Variants in ZC3H13 observed in about 807,000 individuals in gnomAD.
The protein encoded by ZC3H13 is zinc finger CCCH domain-containing protein 13.
Under a neutral mutation model 204.1 loss-of-function variants are expected in ZC3H13, and 64 were observed. The observed-to-expected ratio is 0.31, with a 90% CI of 0.26 to 0.39. The LOEUF (loss-of-function observed/expected upper bound fraction) is 0.39, where lower values mean the gene tolerates loss of function less well. Among genes scored for constraint, ZC3H13 ranks in the 10% least tolerant of loss-of-function variants. The probability of loss-of-function intolerance (pLI) is 1.00; values close to 1 mark genes in which losing one functional copy is unlikely to be tolerated. For synonymous variants in ZC3H13, 667 were observed against 693.7 expected, an observed-to-expected ratio of 0.96 and a Z score of 0.60; for missense variants, 1,833 against 2,082.7, an observed-to-expected ratio of 0.88 and a Z score of 2.33.
At chr13:45,989,129 T>A (rs1336073943) in intron 8 of ZC3H13, 32 bp from the exon 9 acceptor site, 1 of 1,578,100 alleles carries the variant, frequency 6.3e-7, no homozygotes, top group Non-Finnish European at 8.6e-7. Context: ...ATAAAACATG[T>A]ATTCAAGAGC....
At position 45,988,981 on chromosome 13, in the gene ZC3H13, G is replaced by C; in HGVS notation, c.1061C>G (p.Thr354Ser). ...TGTCCGCTGATAAGATGGTGAAGGA[G>C]TTCTTTTTCGACGAGGAGAAGGAGA... The part of the protein sequence containing the change: ...RHSPSPRRKR[T>S]PSPSYQRTLT... Residue 354 changes from threonine (T) to serine (S), a missense_variant, in exon 9 of 19, where the codon ACT (threonine) becomes AGT (serine). This residue lies in a region of ZC3H13 where 1,574 missense variants were observed against 1,757.2 expected (regional missense o/e 0.90). Coordinates refer to ENST00000679008, the MANE Select transcript of ZC3H13 (RefSeq NM_001330564.2). The C allele has an allele frequency of 1.9e-6, 3 of 1,613,992 alleles. No individual in the cohort carries two copies. The South Asian group carries it at 3.3e-5, about 18-fold the overall frequency.
chr13:45,967,428 C>A (rs1271740443), intron 15 of ZC3H13, 76 bp downstream of exon 15: 1 of 1,477,174 alleles, frequency 6.8e-7, no homozygotes, highest in East Asian at 2.4e-5. Flanking sequence ...GGTGCCCTTT[C>A]AAAAGAAAAT....
At chr13:45,963,699 G>A (rs1566144256) in intron 17 of ZC3H13, 143 bp downstream of exon 17, 5 of 1,488,930 alleles carry the variant, frequency 3.4e-6, no homozygotes, top group Non-Finnish European at 2.7e-6. Flanking sequence ...GACCATGAGG[G>A]TTAAATAATG....
chr13:46,045,279 A>G, intron 2 of ZC3H13, 112 bp downstream of exon 2: 1 of 1,064,950 alleles, frequency 9.4e-7, no homozygotes, highest in Non-Finnish European at 1.4e-6. Flanking sequence ...TAAAAAATTT[A>G]CTGAACAAAC....
chr13:45,955,055 G>C lies in ZC3H13; in HGVS notation c.*2072C>G, dbSNP rs778481567. ...CTATCTACACAATTCCTTATTACCA[G>C]CAGCTGGAATCCAGTTGTGCAATTA... On this transcript the variant is annotated 3_prime_UTR_variant, in exon 19 of 19. Coordinates refer to ENST00000679008, the MANE Select transcript of ZC3H13 (RefSeq NM_001330564.2). 2.0e-5 allele frequency: 3 copies of C among 152,132 alleles called. No homozygotes were observed. Among genetic ancestry groups the C allele is most frequent in the Non-Finnish European group, 4.4e-5 (3 of 68,010 alleles). The allele number at this position is 152,132 out of a possible 1,614,324, so 9.4% of individuals were successfully genotyped here.
At chr13:46,017,943 T>C (rs932035365) in intron 5 of ZC3H13, among the ~76,000 whole-genome samples, 1 of 152,116 alleles carries the variant, frequency 6.6e-6, no homozygotes, top group Non-Finnish European at 1.5e-5. Flanking sequence ...ACATTTACAC[T>C]CACCTTTTAA....
intron 4 of ZC3H13, among the ~76,000 whole-genome samples, chr13:46,040,599 G>C (rs2043510994): frequency 6.6e-6 from 1 of 151,782 alleles, no homozygotes; most frequent in Non-Finnish European, 1.5e-5. Context: ...AACAAAAACA[G>C]GTAAGTCAGA....
intron 17 of ZC3H13, among the ~76,000 whole-genome samples, chr13:45,961,859 CACT>C (rs1477106424): frequency 1.3e-5 from 2 of 151,650 alleles, no homozygotes; most frequent in African/African-American, 4.9e-5. Context: ...TATATACACC[CACT>C]AAGTACCCAT....
At chr13:45,962,701 A>G (rs1388199972) in intron 17 of ZC3H13, 19 of 981,622 alleles carry the variant, frequency 1.9e-5, no homozygotes, top group Non-Finnish European at 2.3e-5. Context: ...TAAAACTCAT[A>G]AAACAATATT....
In ZC3H13 at chr13:45,955,403, A is replaced by G. The variant is rs574804146; in HGVS notation, c.*1724T>C. The stretch of plus-strand genomic sequence containing the variant: ...TTCTAAATTTTCTTTTGCAACATAC[A>G]TAACAAAAAGATTTCAAACTGAAAG... On this transcript the variant is annotated 3_prime_UTR_variant, in exon 19 of 19. Transcript: ENST00000679008. 1.3e-5 allele frequency: 2 copies of G among 152,332 alleles called. No individual in the cohort carries two copies. The highest frequency in any genetic ancestry group is 4.1e-4 in the South Asian group (2 of 4,830). 9.4% of individuals were successfully genotyped at this position (152,332 alleles called of 1,614,324 possible).
Position 46,010,364 on chromosome 13 carries a change from G to T in ZC3H13, c.730C>A (p.Leu244Met). The T allele has an allele frequency of 6.2e-7, 1 of 1,612,932 alleles. No individual in the cohort carries two copies. Among genetic ancestry groups the T allele is most frequent in the Non-Finnish European group, 8.5e-7 (1 of 1,179,116 alleles). ...DRKTSAVSSP[L>M]LDQQRNSKTN... is the part of the protein sequence containing the mutation. The stretch of plus-strand genomic sequence containing the variant: ...CCTACTGACCTCTGCTGGTCCAACA[G>T]GGGAGAAGATACTGCAGATGTCTTC... Residue 244 changes from leucine to methionine, a missense_variant, in exon 7 of 19, where the codon CTG becomes ATG. Physicochemically the swap from Leu to Met is conservative, Grantham distance 15. Transcript: ENST00000679008.
Position 46,022,103 on chromosome 13 carries a change from T to A in ZC3H13, c.340-1546A>T, listed in dbSNP as rs190815915. Reference sequence around the variant, plus strand: ...TTTATCAGATTTAGAGCCAGAAATGTTGTATCAATAAATGTCATTAATAAT... The same window carrying A: ...TTTATCAGATTTAGAGCCAGAAATGATGTATCAATAAATGTCATTAATAAT... On this transcript the variant is annotated intron_variant, in intron 4 of 18. Transcript: ENST00000679008. 4.9e-3 allele frequency among the ~76,000 whole-genome samples: 746 copies of A among 152,012 alleles called. 9 individuals are homozygous for A. Among genetic ancestry groups the A allele is most frequent in the African/African-American group, 0.017 (720 of 41,548 alleles).
At chr13:46,037,186 A>G (rs995485174) in intron 4 of ZC3H13, among the ~76,000 whole-genome samples, 3 of 152,346 alleles carry the variant, frequency 2.0e-5, no homozygotes, top group Non-Finnish European at 4.4e-5. Context: ...AAAATTGTTA[A>G]AATAGTAAAT....
At position 46,047,250 on chromosome 13, in the gene ZC3H13, T is replaced by C. The variant is rs1405231170; in HGVS notation, c.-9-1734A>G. Among the ~76,000 whole-genome samples, 4 of 152,122 alleles carry C rather than the reference T, an allele frequency of 2.6e-5. No homozygotes were observed. The East Asian group carries it at 5.8e-4, about 22-fold the overall frequency. ...AGGAAGGAAAATATGAAATAATATA[T>C]GGTGATTTTAAATTGGAAAATCTAT... On this transcript the variant is annotated intron_variant, in intron 1 of 18. Coordinates refer to ENST00000679008, the MANE Select transcript of ZC3H13 (RefSeq NM_001330564.2).
chr13:45,979,130 A>C (rs1471739784), intron 11 of ZC3H13, among the ~76,000 whole-genome samples: 1 of 152,116 alleles, frequency 6.6e-6, no homozygotes, highest in Non-Finnish European at 1.5e-5. Context: ...AGACCTTCAT[A>C]AAATTTTTAA....
chr13:46,051,349 T>A (rs1483981659), intron 1 of ZC3H13, among the ~76,000 whole-genome samples: 5 of 152,252 alleles, frequency 3.3e-5, no homozygotes, highest in African/African-American at 9.6e-5. Context: ...AGTTTCAGAG[T>A]GCAACTATTT....
intron 4 of ZC3H13, among the ~76,000 whole-genome samples, chr13:46,030,528 G>C (rs578071434): frequency 4.2e-4 from 64 of 152,290 alleles, no homozygotes; most frequent in Admixed American, 2.0e-3. Context: ...TTCCTATAAA[G>C]TTCAAGAACT....
rs957244092 is a variant in ZC3H13, at chr13:45,965,837, A to G, written c.4322-405T>C. On this transcript the variant is annotated intron_variant, in intron 15 of 18. Transcript: ENST00000679008. ...AAATTTTCACAATTTATCTAAACAA[A>G]GTAATTTAAAAACTTGCAAACATTT... is the stretch of plus-strand genomic sequence containing the variant. 1.9e-4 allele frequency among the ~76,000 whole-genome samples: 29 copies of G among 152,152 alleles called. 1 individual carries two copies. Among genetic ancestry groups the G allele is most frequent in the Admixed American group, 8.5e-4 (13 of 15,262 alleles).
intron 8 of ZC3H13, among the ~76,000 whole-genome samples, 165 bp from the exon 9 acceptor site, chr13:45,989,262 C>T (rs767863652): frequency 1.3e-5 from 2 of 152,156 alleles, no homozygotes; most frequent in South Asian, 2.1e-4. Flanking sequence ...ACTTTTTTAA[C>T]GACGTGACTT....
Sources: allele counts gnomAD v4.1 joint callset (sites outside exome capture counted in the v4.1 genomes callset), GRCh38; gene constraint gnomAD v4.1.1; regional missense constraint gnomAD v4.1.1; transcripts MANE v1.5; gene names NCBI Gene and HGNC (gene_info 2026-07-23, HGNC 2026-07-21).